RAPGEF5: variants seen among roughly 807,000 people sequenced by gnomAD.
RAPGEF5 encodes M-Ras-regulated GEF.
Under a neutral mutation model 125.2 loss-of-function variants are expected in RAPGEF5, and 65 were observed. The ratio of observed to expected loss-of-function variants is 0.52; its 90% CI spans 0.43 to 0.64. The LOEUF is 0.64. Among genes scored for constraint, RAPGEF5 ranks in the 30% least tolerant of loss-of-function variants. The pLI, the probability that RAPGEF5 is intolerant of heterozygous loss-of-function variation, is 0.00. For synonymous variants in RAPGEF5, 391 were observed against 385.9 expected, an observed-to-expected ratio of 1.01 and a Z score of -0.16; for missense variants, 958 against 1,048.1, an observed-to-expected ratio of 0.91 and a Z score of 1.19.
At chr7:22,252,811 G>A (rs1786657690) in intron 7 of RAPGEF5, among the ~76,000 whole-genome samples, 1 of 152,162 alleles carries the variant, frequency 6.6e-6, no homozygotes, top group African/African-American at 2.4e-5. Flanking sequence ...AGCATCTGCT[G>A]AATGCATTTT....
At chr7:22,288,771 T>A (rs1225880117) in intron 6 of RAPGEF5, among the ~76,000 whole-genome samples, 1 of 152,194 alleles carries the variant, frequency 6.6e-6, no homozygotes, top group Non-Finnish European at 1.5e-5. Context: ...TTTCTTTGTG[T>A]TCGTTTTTGA....
chr7:22,259,712 A>G (rs143312559), intron 7 of RAPGEF5, among the ~76,000 whole-genome samples: 132 of 152,366 alleles, frequency 8.7e-4, no homozygotes, highest in Admixed American at 2.6e-3. Flanking sequence ...CATATTACTA[A>G]GTGAAAGAAG....
chr7:22,302,754 G>T (rs1393313340), intron 5 of RAPGEF5, among the ~76,000 whole-genome samples: 5 of 150,486 alleles, frequency 3.3e-5, no homozygotes, highest in Non-Finnish European at 7.4e-5. Context: ...TTACTAAAGG[G>T]TGCTTCTTCC....
At chr7:22,260,461 CAAAAA>C (rs796891868) in intron 7 of RAPGEF5, among the ~76,000 whole-genome samples, 1 of 120,610 alleles carries the variant, frequency 8.3e-6, no homozygotes, top group East Asian at 2.4e-4. Context: ...TAAAGTCTAT[CAAAAA>C]AAAAGAGAAA....
intron 11 of RAPGEF5, among the ~76,000 whole-genome samples, chr7:22,178,896 C>G (rs1401572778): frequency 6.6e-6 from 1 of 152,124 alleles, no homozygotes; most frequent in East Asian, 1.9e-4. Context: ...TTCTGGCAAC[C>G]AGCTCCCATC....
At chr7:22,355,368 G>A (rs1784402269) in intron 1 of RAPGEF5, among the ~76,000 whole-genome samples, 1 of 152,158 alleles carries the variant, frequency 6.6e-6, no homozygotes, top group African/African-American at 2.4e-5. Flanking sequence ...AGACTGCCTG[G>A]CAGCCCTCAT....
Position 22,317,079 on chromosome 7 carries a change from A to G in RAPGEF5, c.282+908T>C, listed in dbSNP as rs185743356. The stretch of plus-strand genomic sequence containing the variant: ...CACTTGACTAGTCCTGAAAGCATAC[A>G]ATGTTCATTCACTCAGTCATTCAAA... On this transcript the variant is annotated intron_variant, in intron 2 of 25. Coordinates refer to ENST00000665637, the MANE Select transcript of RAPGEF5 (RefSeq NM_012294.5). Among the ~76,000 whole-genome samples, 13 of 152,134 alleles carry G rather than the reference A, an allele frequency of 8.5e-5. No homozygotes were observed. The East Asian group carries it at 2.5e-3, about 29-fold the overall frequency.
At chr7:22,343,507 A>G (rs1020225854) in intron 1 of RAPGEF5, among the ~76,000 whole-genome samples, 1 of 152,092 alleles carries the variant, frequency 6.6e-6, no homozygotes, top group Non-Finnish European at 1.5e-5. Context: ...TTGGTACCCA[A>G]CCTTTACCAC....
chr7:22,303,083 C>A (rs1171936085), intron 5 of RAPGEF5, among the ~76,000 whole-genome samples: 1 of 152,194 alleles, frequency 6.6e-6, no homozygotes, highest in Non-Finnish European at 1.5e-5. Context: ...TCCCTCACAG[C>A]CTAAAGGCCC....
chr7:22,278,040 A>C (rs17146521), intron 6 of RAPGEF5, among the ~76,000 whole-genome samples: 15,236 of 152,116 alleles, frequency 0.1, 1,026 homozygotes, highest in East Asian at 0.34. Flanking sequence ...TTAGGGCCTT[A>C]AAGTCACTTG....
At chr7:22,169,928 G>A (rs1784298414) in intron 11 of RAPGEF5, among the ~76,000 whole-genome samples, 1 of 148,688 alleles carries the variant, frequency 6.7e-6, no homozygotes, top group South Asian at 2.1e-4. Context: ...GAGGATGGCT[G>A]GAACCCAGGT....
At chr7:22,129,397 C>T (rs1402832378) in intron 24 of RAPGEF5, among the ~76,000 whole-genome samples, 1 of 152,218 alleles carries the variant, frequency 6.6e-6, no homozygotes, top group African/African-American at 2.4e-5. Context: ...CCTCATCCCA[C>T]ATCTTCACAG....
chr7:22,199,829 AG>A (rs1384147843), intron 9 of RAPGEF5, among the ~76,000 whole-genome samples: 2 of 152,174 alleles, frequency 1.3e-5, no homozygotes, highest in African/African-American at 4.8e-5. Context: ...ATGAGATAAA[AG>A]TGGCTGACTG....
At chr7:22,286,714 T>C (rs1782806719) in intron 6 of RAPGEF5, among the ~76,000 whole-genome samples, 1 of 152,210 alleles carries the variant, frequency 6.6e-6, no homozygotes, top group Non-Finnish European at 1.5e-5. Flanking sequence ...TAATACATAA[T>C]TCACCATAAA....
rs139737175 is a variant in RAPGEF5 at position 22,138,759 on chromosome 7, A to G, written c.2277+1266T>C. Reference sequence around the variant, plus strand: ...GTGCTCTGCACATAGCAGGCAGTCAATGCGCAGATTAAACATAAGCTGGTT... The same window carrying G: ...GTGCTCTGCACATAGCAGGCAGTCAGTGCGCAGATTAAACATAAGCTGGTT... On this transcript the variant is annotated intron_variant, in intron 21 of 25. Coordinates refer to ENST00000665637, the MANE Select transcript of RAPGEF5 (RefSeq NM_012294.5). Among the ~76,000 whole-genome samples, 107 of 152,342 alleles carry G rather than the reference A, an allele frequency of 7.0e-4. 1 individual carries two copies. The highest frequency in any genetic ancestry group is 1.7e-3 in the African/African-American group (69 of 41,578).
intron 7 of RAPGEF5, among the ~76,000 whole-genome samples, chr7:22,236,410 T>A (rs1375732029): frequency 6.6e-6 from 1 of 152,188 alleles, no homozygotes; most frequent in East Asian, 1.9e-4. Context: ...GTGATAGGTG[T>A]AGTGGCACAA....
chr7:22,126,439 C>T (rs1314841692), intron 24 of RAPGEF5, among the ~76,000 whole-genome samples: 1 of 152,184 alleles, frequency 6.6e-6, no homozygotes, highest in Non-Finnish European at 1.5e-5. Context: ...CTTCTTTAGA[C>T]CAAGTACCAC....
chr7:22,264,483 T>C (rs1782235213), intron 7 of RAPGEF5, among the ~76,000 whole-genome samples: 1 of 152,222 alleles, frequency 6.6e-6, no homozygotes, highest in African/African-American at 2.4e-5. Context: ...TTATGCAATC[T>C]AACATGTGTG....
chr7:22,181,248 A>G (rs1245204379), intron 11 of RAPGEF5, among the ~76,000 whole-genome samples: 1 of 152,232 alleles, frequency 6.6e-6, no homozygotes, highest in East Asian at 1.9e-4. Context: ...CTTAGGGGGA[A>G]AAAGCTTACT....
Sources: allele counts gnomAD v4.1 joint callset (sites outside exome capture counted in the v4.1 genomes callset), GRCh38; gene constraint gnomAD v4.1.1; transcripts MANE v1.5; gene names NCBI Gene and HGNC (gene_info 2026-07-23, HGNC 2026-07-21).